The following SLC22A16 variants were observed in gnomAD, a reference collection of about 807,000 sequenced individuals.
SLC22A16 encodes the protein solute carrier family 22 member 16.
Under a neutral mutation model 52.9 loss-of-function variants are expected in SLC22A16, and 53 were observed. That is an observed-to-expected ratio of 1.00 (90% CI 0.80 to 1.26). The LOEUF is 1.26. Ranked by LOEUF, SLC22A16 falls within the 50% of genes most tolerant of loss-of-function variation. SLC22A16 has a pLI of 0.00. For synonymous variants in SLC22A16, 291 were observed against 268.8 expected, an observed-to-expected ratio of 1.08 and a Z score of -0.81; for missense variants, 726 against 704.0, an observed-to-expected ratio of 1.03 and a Z score of -0.35.
chr6:110,443,888 C>T (rs986531547), intron 3 of SLC22A16, among the ~76,000 whole-genome samples: 1 of 152,094 alleles, frequency 6.6e-6, no homozygotes. Context: ...CATATGATTC[C>T]GCTTTCATGA....
chr6:110,470,474 T>C (rs1265007262), intron 1 of SLC22A16, among the ~76,000 whole-genome samples: 1 of 152,044 alleles, frequency 6.6e-6, no homozygotes, highest in Non-Finnish European at 1.5e-5. Context: ...CCTCCCACCC[T>C]CTTACTTCCC....
chr6:110,458,025 G>T (rs191265371), intron 1 of SLC22A16, among the ~76,000 whole-genome samples: 1 of 152,120 alleles, frequency 6.6e-6, no homozygotes, highest in African/African-American at 2.4e-5. Context: ...CAGTGGTCAC[G>T]CTCCTGGTCT....
chr6:110,473,491 C>CTTTT (rs763478181), intron 1 of SLC22A16, among the ~76,000 whole-genome samples: 2 of 71,972 alleles, frequency 2.8e-5, no homozygotes, highest in African/African-American at 4.9e-5. Context: ...CCTGTTTTCC[C>CTTTT]TTTTTTTTTT....
intron 1 of SLC22A16, among the ~76,000 whole-genome samples, chr6:110,472,674 A>G (rs973812303): frequency 2.0e-5 from 3 of 152,148 alleles, no homozygotes; most frequent in African/African-American, 4.8e-5. Flanking sequence ...GGCGTCTAGC[A>G]TTCTAACACA....
At chr6:110,467,724 A>G (rs1776119415) in intron 1 of SLC22A16, among the ~76,000 whole-genome samples, 1 of 152,280 alleles carries the variant, frequency 6.6e-6, no homozygotes, top group African/African-American at 2.4e-5. Context: ...GCATGTAGAC[A>G]TATAAAGTGA....
chr6:110,458,525 C>T (rs1775753411), intron 1 of SLC22A16, among the ~76,000 whole-genome samples: 1 of 152,178 alleles, frequency 6.6e-6, no homozygotes, highest in Non-Finnish European at 1.5e-5. Context: ...TATCCCAAAG[C>T]ATAAAATAAA....
intron 4 of SLC22A16, among the ~76,000 whole-genome samples, chr6:110,439,623 T>G (rs1429961027): frequency 6.6e-6 from 1 of 152,230 alleles, no homozygotes; most frequent in East Asian, 1.9e-4. Flanking sequence ...GTCAGAGCAC[T>G]TTAATGAGAT....
intron 7 of SLC22A16, 182 bp from the exon 8 acceptor site, chr6:110,425,267 C>T: frequency 4.6e-6 from 7 of 1,512,022 alleles, no homozygotes; most frequent in Non-Finnish European, 5.3e-6. Context: ...TTTTCCTCAT[C>T]AACGAGGTTT....
At chr6:110,435,708 G>A (rs543755118) in intron 6 of SLC22A16, 144 bp downstream of exon 6, 2 of 587,726 alleles carry the variant, frequency 3.4e-6, no homozygotes, top group East Asian at 5.6e-5. Flanking sequence ...GACTCAAAAT[G>A]AGTATCAGCA....
chr6:110,454,937 A>T (rs1194331922), intron 2 of SLC22A16, among the ~76,000 whole-genome samples: 2 of 96,430 alleles, frequency 2.1e-5, no homozygotes, highest in African/African-American at 8.2e-5. Flanking sequence ...ATTATAATAT[A>T]TATAATATAT....
intron 4 of SLC22A16, chr6:110,440,092 G>T (rs1442948260): frequency 6.6e-6 from 1 of 152,110 alleles, no homozygotes. Context: ...CAGGAATTTT[G>T]ACCTGCTCCA....
chr6:110,429,333 C>T lies in SLC22A16; in HGVS notation c.1521+1838G>A, dbSNP rs563194608. Among the ~76,000 whole-genome samples the T allele has an allele frequency of 1.6e-4, 24 of 152,242 alleles. No homozygotes were observed. In the South Asian group the frequency reaches 3.3e-3, roughly 21 times the overall value. ...TGGCACATCCAAGCGCTTTACTGAGCGCCTGCTCCGGGGACATGGGAGACA... is the reference window on the plus strand; with the variant it reads ...TGGCACATCCAAGCGCTTTACTGAGTGCCTGCTCCGGGGACATGGGAGACA... On this transcript the variant is annotated intron_variant, in intron 7 of 7. Transcript: ENST00000368919.
chr6:110,447,430 C>G (rs548976024), intron 2 of SLC22A16, among the ~76,000 whole-genome samples: 1 of 152,024 alleles, frequency 6.6e-6, no homozygotes. Flanking sequence ...TGCTTACTTG[C>G]CCTATCTTTT....
At chr6:110,452,015 T>C (rs1362752311) in intron 2 of SLC22A16, among the ~76,000 whole-genome samples, 1 of 152,232 alleles carries the variant, frequency 6.6e-6, no homozygotes, top group African/African-American at 2.4e-5. Flanking sequence ...CACTTAATGA[T>C]TGATCCTTTT....
At chr6:110,425,208 T>G (rs1273277818) in intron 7 of SLC22A16, 123 bp from the exon 8 acceptor site, 1 of 1,522,704 alleles carries the variant, frequency 6.6e-7, no homozygotes, top group Non-Finnish European at 8.8e-7. Context: ...CAGTTGTCAC[T>G]GTGATTACTC....
At chr6:110,469,506 C>T (rs538445341) in intron 1 of SLC22A16, among the ~76,000 whole-genome samples, 3 of 152,328 alleles carry the variant, frequency 2.0e-5, no homozygotes, top group Non-Finnish European at 1.5e-5. Flanking sequence ...CAAGATCGTG[C>T]CACTGCACTC....
chr6:110,476,140 C>A (rs1776462888), intron 1 of SLC22A16: 1 of 395,794 alleles, frequency 2.5e-6, no homozygotes, highest in Non-Finnish European at 4.8e-6. Context: ...AGGGAAGTGG[C>A]GGCGGATTAG....
At chr6:110,457,274 T>C (rs1775699406) in intron 1 of SLC22A16, among the ~76,000 whole-genome samples, 2 of 152,180 alleles carry the variant, frequency 1.3e-5, no homozygotes, top group African/African-American at 2.4e-5. Flanking sequence ...AGTTTCTAAA[T>C]ACCATTCTCC....
chr6:110,438,725 G>T lies in SLC22A16; in HGVS notation c.1306C>A (p.Pro436Thr). Residue 436 changes from proline (P) to threonine (T), a missense_variant, in exon 5 of 8, where the codon CCC becomes ACC. Transcript: ENST00000368919. ...AAAAACAGAAGATAACTCACCTGGG[G>T]GATCACCATAACGACACCACAGGCC... ...ALACGVVMVI[P>T]QKHYILGVVT... 1 of 1,611,798 alleles carries T rather than the reference G, an allele frequency of 6.2e-7. No homozygotes were observed. Among genetic ancestry groups the T allele is most frequent in the Non-Finnish European group, 8.5e-7 (1 of 1,179,120 alleles).
Sources: allele counts gnomAD v4.1 joint callset (sites outside exome capture counted in the v4.1 genomes callset), GRCh38; gene constraint gnomAD v4.1.1; transcripts MANE v1.5; gene names NCBI Gene and HGNC (gene_info 2026-07-23, HGNC 2026-07-21).